The following LEKR1 variants were observed in gnomAD, a reference collection of about 807,000 sequenced individuals.
The protein encoded by LEKR1 is protein LEKR1.
In LEKR1, 59 loss-of-function variants were observed where a neutral mutation model predicts 72.4. The ratio of observed to expected loss-of-function variants is 0.82; its 90% confidence interval spans 0.66 to 1.01. LEKR1 has a LOEUF of 1.01. Among genes scored for constraint, LEKR1 ranks in the 50% least tolerant of loss-of-function variants. LEKR1 has a pLI of 0.00. For synonymous variants in LEKR1, 257 were observed against 263.2 expected, an observed-to-expected ratio of 0.98 and a Z score of 0.23; for missense variants, 728 against 759.2, an observed-to-expected ratio of 0.96 and a Z score of 0.48.
chr3:156,933,957 G>A (rs1412576275), intron 5 of LEKR1, among the ~76,000 whole-genome samples: 1 of 152,136 alleles, frequency 6.6e-6, no homozygotes, highest in Non-Finnish European at 1.5e-5. Context: ...AAAAGAGGGA[G>A]GCCCTTCAGA....
chr3:156,852,912 C>G lies in LEKR1; in HGVS notation c.193C>G (p.Gln65Glu), dbSNP rs1715559810. ...AAGTGTAGATCGTGAAAAGAGACTT[C>G]AAGAAAAGCTGCATTCTCTTAGCCA... is the stretch of plus-strand genomic sequence containing the variant. ...QGSVDREKRL[Q>E]EKLHSLSQEL... Residue 65 changes from glutamine to glutamate, a missense_variant, in exon 3 of 13, where the codon CAA becomes GAA. Transcript: ENST00000356539. 2.0e-6 allele frequency: 3 copies of G among 1,480,066 alleles called. No homozygotes were observed. Among genetic ancestry groups the G allele is most frequent in the Non-Finnish European group, 2.7e-6 (3 of 1,122,146 alleles). 91.7% of individuals were successfully genotyped at this position (1,480,066 alleles called of 1,614,324 possible). A position where few individuals can be genotyped will look rare whatever the true frequency, so the allele number is the denominator to read the frequency against.
At chr3:156,863,061 G>T (rs1472346831) in intron 3 of LEKR1, among the ~76,000 whole-genome samples, 3 of 152,034 alleles carry the variant, frequency 2.0e-5, no homozygotes, top group Admixed American at 2.0e-4. Context: ...TTTTACCTGA[G>T]CTCCAGGGAT....
intron 7 of LEKR1, among the ~76,000 whole-genome samples, chr3:156,985,410 A>C (rs760532178): frequency 6.6e-6 from 1 of 152,206 alleles, no homozygotes; most frequent in Non-Finnish European, 1.5e-5. Context: ...CTTGGAAATC[A>C]GTTTTACAAG....
intron 5 of LEKR1, among the ~76,000 whole-genome samples, chr3:156,931,914 G>A (rs541047168): frequency 2.0e-5 from 3 of 152,130 alleles, no homozygotes; most frequent in Non-Finnish European, 4.4e-5. Flanking sequence ...TTATTACATA[G>A]TGGATGCATT....
intron 3 of LEKR1, among the ~76,000 whole-genome samples, chr3:156,877,051 A>C (rs75207295): frequency 0.033 from 5,090 of 152,252 alleles, 103 homozygotes; most frequent in Non-Finnish European, 0.055. Context: ...GGTTTTGTCA[A>C]ATGTGTTTTC....
At chr3:156,997,002 T>A (rs1001955990) in intron 9 of LEKR1, among the ~76,000 whole-genome samples, 1 of 150,518 alleles carries the variant, frequency 6.6e-6, no homozygotes, top group Admixed American at 6.6e-5. Context: ...GAGGCGGAGG[T>A]TGCAGTGAGC....
chr3:157,014,379 T>A (rs1454132633), intron 10 of LEKR1, among the ~76,000 whole-genome samples: 1 of 152,002 alleles, frequency 6.6e-6, no homozygotes, highest in Non-Finnish European at 1.5e-5. Context: ...AGCAACTAGA[T>A]TGAGAGTGAA....
chr3:156,920,755 A>G, intron 4 of LEKR1, 61 bp downstream of exon 4: 1 of 908,860 alleles, frequency 1.1e-6, no homozygotes, highest in Non-Finnish European at 1.6e-6. Context: ...CTAACTTTGT[A>G]AATAGCCAAA....
At chr3:157,030,718 A>T (rs1405804869) in intron 12 of LEKR1, among the ~76,000 whole-genome samples, 2 of 152,160 alleles carry the variant, frequency 1.3e-5, no homozygotes, top group African/African-American at 4.8e-5. Context: ...AAGTTCTCTC[A>T]TGAGGTTGGT....
chr3:156,856,316 C>G (rs1716055829), intron 3 of LEKR1, among the ~76,000 whole-genome samples: 2 of 152,050 alleles, frequency 1.3e-5, no homozygotes, highest in Non-Finnish European at 2.9e-5. Flanking sequence ...GATTTATTGT[C>G]TATCATTGAG....
chr3:156,996,917 T>G (rs923398150), intron 9 of LEKR1, among the ~76,000 whole-genome samples: 1 of 151,992 alleles, frequency 6.6e-6, no homozygotes, highest in Admixed American at 6.6e-5. Context: ...ATACAAAAAT[T>G]AGCTGAGTGT....
chr3:156,913,950 A>C (rs1038981551), intron 3 of LEKR1, among the ~76,000 whole-genome samples: 11 of 152,198 alleles, frequency 7.2e-5, no homozygotes, highest in Non-Finnish European at 1.5e-4. Flanking sequence ...TCAAGATTTT[A>C]TTATTTTATC....
intron 7 of LEKR1, among the ~76,000 whole-genome samples, chr3:156,991,425 C>T (rs1230161415): frequency 6.6e-6 from 1 of 151,886 alleles, no homozygotes; most frequent in Non-Finnish European, 1.5e-5. Flanking sequence ...ATGGTTTTTA[C>T]ATTATTACTA....
intron 5 of LEKR1, among the ~76,000 whole-genome samples, chr3:156,940,489 C>CT (rs1381409988): frequency 6.6e-6 from 1 of 152,120 alleles, no homozygotes; most frequent in Non-Finnish European, 1.5e-5. Context: ...TTGTGGGGAT[C>CT]TTAATTTCTG....
intron 12 of LEKR1, among the ~76,000 whole-genome samples, chr3:157,039,574 G>A (rs58897582): frequency 0.028 from 4,284 of 152,270 alleles, 219 homozygotes; most frequent in African/African-American, 0.098. Flanking sequence ...AGCCGTGATC[G>A]TGCTTCTGTA....
intron 12 of LEKR1, among the ~76,000 whole-genome samples, chr3:157,041,507 C>T (rs1735338635): frequency 6.6e-6 from 1 of 152,118 alleles, no homozygotes; most frequent in Non-Finnish European, 1.5e-5. Context: ...TGACCCTGCT[C>T]ACTCTTCCCT....
At chr3:156,966,185 A>G (rs1342553666) in intron 6 of LEKR1, among the ~76,000 whole-genome samples, 5 of 152,176 alleles carry the variant, frequency 3.3e-5, no homozygotes, top group Non-Finnish European at 5.9e-5. Flanking sequence ...GCTCCAGTCC[A>G]CAGCTCCCAG....
chr3:156,849,724 G>T lies in LEKR1; in HGVS notation c.49-3044G>T, dbSNP rs1421568393. Among the ~76,000 whole-genome samples, 2 of 152,250 alleles carry T rather than the reference G, an allele frequency of 1.3e-5. 1 individual carries two copies. The highest frequency in any genetic ancestry group is 1.3e-4 in the Admixed American group (2 of 15,286). ...AGCCATATGTAGAAAGCTGAAACTGGATCCCTTCCTTGCACCTTATACAAA... is the reference window on the plus strand; with the variant it reads ...AGCCATATGTAGAAAGCTGAAACTGTATCCCTTCCTTGCACCTTATACAAA... On this transcript the variant is annotated intron_variant, in intron 2 of 12. Coordinates refer to ENST00000356539, the MANE Select transcript of LEKR1 (RefSeq NM_001004316.3).
intron 2 of LEKR1, among the ~76,000 whole-genome samples, chr3:156,846,147 T>C (rs576062652): frequency 3.0e-4 from 45 of 152,202 alleles, no homozygotes; most frequent in Non-Finnish European, 4.3e-4. Context: ...TATATATAAA[T>C]GCAGTTGATT....
Sources: gnomAD v4.1 joint callset for allele counts (sites outside exome capture counted in the v4.1 genomes callset) on GRCh38, gnomAD v4.1.1 for gene constraint, MANE v1.5 for transcripts, NCBI Gene and HGNC (gene_info 2026-07-23, HGNC 2026-07-21) for gene names.